The following SDF2 variants were observed in gnomAD, a reference collection of about 807,000 sequenced individuals.
SDF2 encodes stromal cell-derived factor 2.
SDF2 carries 12 observed loss-of-function variants against 20.5 expected under a neutral mutation model. The observed-to-expected ratio is 0.58, with a 90% CI of 0.37 to 0.95. SDF2 has a LOEUF of 0.95. SDF2 is among the 40% of genes least tolerant of loss of function. SDF2 has a pLI of 0.01. For synonymous variants in SDF2, 100 were observed against 101.0 expected (o/e 0.99, Z 0.06); for missense variants, 238 against 263.1 (o/e 0.90, Z 0.66).
At chr17:28,659,628 T>C (rs1267270186) in intron 1 of SDF2, among the ~76,000 whole-genome samples, 1 of 136,834 alleles carries the variant, frequency 7.3e-6, no homozygotes, top group African/African-American at 2.8e-5. Flanking sequence ...GAGGCGCTCC[T>C]CACTTCCTAG....
intron 2 of SDF2, among the ~76,000 whole-genome samples, chr17:28,654,873 T>G (rs1328690399): frequency 6.6e-6 from 1 of 152,042 alleles, no homozygotes; most frequent in East Asian, 1.9e-4. Flanking sequence ...GGAGAACCGC[T>G]TGAACGCAGG....
At chr17:28,662,129 G>T, upstream of SDF2, 1 of 405,394 alleles carries the variant, frequency 2.5e-6, no homozygotes, top group Non-Finnish European at 4.5e-6. Flanking sequence ...CGAGACGAAA[G>T]CTTCCGAGAG....
chr17:28,662,046 G>C (rs1262015353), upstream of SDF2: 1 of 707,994 alleles, frequency 1.4e-6, no homozygotes, highest in South Asian at 1.9e-5. Flanking sequence ...GGTTACTTAC[G>C]ATACTCTCGC....
At chr17:28,659,216 G>A (rs532044819) in intron 1 of SDF2, among the ~76,000 whole-genome samples, 112 of 131,164 alleles carry the variant, frequency 8.5e-4, no homozygotes, top group African/African-American at 3.0e-3. Context: ...ACGGGGTGGC[G>A]GCCAGGCAGA....
At chr17:28,653,852 A>C (rs2071933897) in intron 2 of SDF2, among the ~76,000 whole-genome samples, 1 of 152,152 alleles carries the variant, frequency 6.6e-6, no homozygotes, top group Non-Finnish European at 1.5e-5. Flanking sequence ...AATCAGAAAA[A>C]AACTATGGTC....
chr17:28,650,756 T>C (rs566174194), intron 2 of SDF2, among the ~76,000 whole-genome samples: 6 of 143,088 alleles, frequency 4.2e-5, no homozygotes, highest in South Asian at 4.5e-4. Context: ...TGAGCCGAGA[T>C]TGCACCACTG....
chr17:28,652,848 A>G (rs2071926565), intron 2 of SDF2, among the ~76,000 whole-genome samples: 1 of 152,224 alleles, frequency 6.6e-6, no homozygotes, highest in African/African-American at 2.4e-5. Flanking sequence ...ACAAAAACAC[A>G]ATGGGATACT....
chr17:28,652,860 C>T (rs1052381509), intron 2 of SDF2, among the ~76,000 whole-genome samples: 39 of 152,090 alleles, frequency 2.6e-4, no homozygotes, highest in Admixed American at 2.2e-3. Flanking sequence ...TGGGATACTG[C>T]CAATGGACAC....
Position 28,649,370 on chromosome 17 carries a change from G to A in SDF2, c.349-94C>T, listed in dbSNP as rs1006680483. 2.4e-6 allele frequency: 3 copies of A among 1,231,914 alleles called. No individual in the cohort carries two copies. The African/African-American group carries it at 4.5e-5, about 18-fold the overall frequency. The allele number at this position is 1,231,914 out of a possible 1,614,324, so 76.3% of individuals were successfully genotyped here. ...GGAAGAAAAAGAAGGCCACCTTGAA[G>A]TAAAAAATCAGAGGGGCCAGGCTTA... On this transcript the variant is annotated intron_variant, in intron 2 of 2. Transcript: ENST00000247020.
chr17:28,649,084 G>A lies in SDF2; in HGVS notation c.541C>T (p.Gln181Ter). Reference sequence around the variant, plus strand: ...TTCCAGTAGTTGTTCTGACTTGGCTGGGCCATGCCATGCACCTCTTTTTGC... The same window carrying A: ...TTCCAGTAGTTGTTCTGACTTGGCTAGGCCATGCCATGCACCTCTTTTTGC... Reference protein sequence around the residue: ...SGQKEVHGMAQPSQNNYWKAM... With the variant: ...SGQKEVHGMA The change falls in exon 3 of 3, where the codon CAG (glutamine) becomes TAG (stop). Residue 181 changes from glutamine to a stop codon, truncating the protein, a stop_gained. Coordinates refer to ENST00000247020, the MANE Select transcript of SDF2 (RefSeq NM_006923.4). LOFTEE classifies it high-confidence loss of function. 6.2e-7 allele frequency: 1 copy of A among 1,614,168 alleles called. No homozygotes were observed. The highest frequency in any genetic ancestry group is 8.5e-7 in the Non-Finnish European group (1 of 1,180,024).
intron 1 of SDF2, chr17:28,660,902 TC>T (rs2072026388): frequency 6.2e-6 from 1 of 161,592 alleles, no homozygotes; most frequent in East Asian, 1.8e-4. Context: ...TCTTTTTTTT[TC>T]AGGCAGATAA....
At chr17:28,649,844 T>C (rs957779851) in intron 2 of SDF2, among the ~76,000 whole-genome samples, 1 of 149,272 alleles carries the variant, frequency 6.7e-6, no homozygotes, top group Admixed American at 6.7e-5. Context: ...AAGGCTGCAA[T>C]GAGCTGTGAT....
At position 28,655,417 on chromosome 17, in the gene SDF2, C is replaced by G. The variant is rs763351641; in HGVS notation, c.218G>C (p.Arg73Pro). The part of the protein sequence containing the change: ...VDDSNSYWRI[R>P]GKSATVCERG... ...CTCACACACTGTGGCACTCTTCCCC[C>G]GTATCCTCCAGTAACTGTTGCTGTC... The change falls in exon 2 of 3, where the codon CGG (arginine) becomes CCG (proline). Residue 73 changes from arginine (R) to proline (P), a missense_variant. Arg to Pro is a moderately radical substitution (Grantham distance 103). Transcript: ENST00000247020. 6.2e-7 allele frequency: 1 copy of G among 1,614,218 alleles called. No individual in the cohort carries two copies. The highest frequency in any genetic ancestry group is 8.5e-7 in the Non-Finnish European group (1 of 1,180,034).
In SDF2 at chr17:28,649,107, T is replaced by G; in HGVS notation, c.518A>C (p.Gln173Pro). 1 of 1,614,246 alleles carries G rather than the reference T, an allele frequency of 6.2e-7. No homozygotes were observed. The highest frequency in any genetic ancestry group is 8.5e-7 in the Non-Finnish European group (1 of 1,180,044). The change falls in exon 3 of 3, where the codon CAA (glutamine) becomes CCA (proline). Residue 173 changes from glutamine to proline, a missense_variant. By Grantham distance (76) the Gln-to-Pro change is moderately conservative (BLOSUM62 -1). Transcript: ENST00000247020. ...CTGGGCCATGCCATGCACCTCTTTTTGCCCACTGATAGGTCGACCATATTG... is the reference window on the plus strand; with the variant it reads ...CTGGGCCATGCCATGCACCTCTTTTGGCCCACTGATAGGTCGACCATATTG... ...GEQYGRPISGQKEVHGMAQPS... is the reference protein window; with the variant it reads ...GEQYGRPISGPKEVHGMAQPS...
chr17:28,657,335 C>A (rs1282962740), intron 1 of SDF2, among the ~76,000 whole-genome samples: 1 of 152,048 alleles, frequency 6.6e-6, no homozygotes, highest in African/African-American at 2.4e-5. Flanking sequence ...TCCCTTGAGT[C>A]CAGGAGTTCG....
chr17:28,657,428 C>T (rs1349175517), intron 1 of SDF2, among the ~76,000 whole-genome samples: 9 of 151,426 alleles, frequency 5.9e-5, no homozygotes, highest in Non-Finnish European at 1.3e-4. Flanking sequence ...ATACAGGATC[C>T]CTCTTGTCAC....
At chr17:28,661,345 G>C (rs2072037874) in intron 1 of SDF2, 1 of 346,876 alleles carries the variant, frequency 2.9e-6, no homozygotes, top group African/African-American at 2.1e-5. Flanking sequence ...CTCTAAAGCA[G>C]GCTTTGAACC....
chr17:28,660,136 G>A (rs953883671), intron 1 of SDF2, among the ~76,000 whole-genome samples: 8 of 152,228 alleles, frequency 5.3e-5, no homozygotes, highest in African/African-American at 1.9e-4. Flanking sequence ...GCACTCGGCA[G>A]GCCGTGGCAG....
intron 2 of SDF2, among the ~76,000 whole-genome samples, chr17:28,649,601 G>A (rs2071895199): frequency 6.6e-6 from 1 of 151,996 alleles, no homozygotes; most frequent in African/African-American, 2.4e-5. Flanking sequence ...GGGTGTGGTG[G>A]CACATGCCTG....
Sources: allele counts gnomAD v4.1 joint callset (sites outside exome capture counted in the v4.1 genomes callset), GRCh38; gene constraint gnomAD v4.1.1; transcripts MANE v1.5; gene names NCBI Gene and HGNC (gene_info 2026-07-23, HGNC 2026-07-21).